Variants in KCNK2 observed in about 807,000 individuals in gnomAD.
KCNK2 encodes potassium two pore domain channel subfamily K member 2.
KCNK2 carries 21 observed loss-of-function variants against 40.5 expected under a neutral mutation model. The ratio of observed to expected loss-of-function variants is 0.52; its 90% CI spans 0.37 to 0.75. The LOEUF is 0.75. Ranked by LOEUF, KCNK2 falls within the 30% of genes least tolerant of loss-of-function variation. KCNK2 has a pLI of 0.00. For missense variants in KCNK2, 399 were observed against 531.6 expected, an observed-to-expected ratio of 0.75 and a Z score of 2.45; for synonymous variants, 191 against 202.2, an observed-to-expected ratio of 0.94 and a Z score of 0.47.
At chr1:215,185,751 A>G (rs1409880853) in intron 5 of KCNK2, among the ~76,000 whole-genome samples, 2 of 152,170 alleles carry the variant, frequency 1.3e-5, no homozygotes. Context: ...TTGGGCTATA[A>G]ATCTCATAAG....
chr1:215,096,930 C>A (rs1660000560), intron 2 of KCNK2, among the ~76,000 whole-genome samples: 3 of 151,830 alleles, frequency 2.0e-5, no homozygotes, highest in Admixed American at 6.6e-5. Context: ...AAAAGTTCTT[C>A]AACAATAGTG....
chr1:215,235,427 A>C lies in KCNK2; in HGVS notation c.*282A>C. ...GACTGTTTTCCTCTCTCTTTCCCTA[A>C]TGTGCCATAAGGCCTCAGAATGAAT... On this transcript the variant is annotated 3_prime_UTR_variant, in exon 7 of 7. Coordinates refer to ENST00000444842, the MANE Select transcript of KCNK2 (RefSeq NM_001017425.3). 8 of 340,596 alleles carry C rather than the reference A, an allele frequency of 2.3e-5. No individual in the cohort carries two copies. Among genetic ancestry groups the C allele is most frequent in the East Asian group, 1.5e-4 (3 of 20,490 alleles). The allele number at this position is 340,596 out of a possible 1,614,324, so 21.1% of individuals were successfully genotyped here. A position where few individuals can be genotyped will look rare whatever the true frequency, so the allele number is the denominator to read the frequency against.
intron 1 of KCNK2, among the ~76,000 whole-genome samples, chr1:215,021,690 C>T (rs1012179753): frequency 2.6e-5 from 4 of 152,070 alleles, no homozygotes; most frequent in Admixed American, 6.5e-5. Context: ...GGACTACAGG[C>T]GCCCGCCACC....
intron 6 of KCNK2, among the ~76,000 whole-genome samples, chr1:215,222,168 C>T (rs555198474): frequency 6.6e-6 from 1 of 152,196 alleles, no homozygotes; most frequent in Non-Finnish European, 1.5e-5. Flanking sequence ...AACATCTCCC[C>T]CCAGTCCCCA....
At chr1:215,092,398 T>C (rs1659727636) in intron 2 of KCNK2, among the ~76,000 whole-genome samples, 1 of 152,126 alleles carries the variant, frequency 6.6e-6, no homozygotes, top group Non-Finnish European at 1.5e-5. Flanking sequence ...CAGTTATACA[T>C]GCTTTAGTTA....
In KCNK2 at chr1:215,235,350, C is replaced by G; in HGVS notation, c.*205C>G. The G allele has an allele frequency of 5.9e-6, 3 of 509,550 alleles. No individual in the cohort carries two copies. In the East Asian group the frequency reaches 8.9e-5, roughly 15 times the overall value. 31.6% of individuals were successfully genotyped at this position (509,550 alleles called of 1,614,324 possible). A position where few individuals can be genotyped will look rare whatever the true frequency, so the allele number is the denominator to read the frequency against. On this transcript the variant is annotated 3_prime_UTR_variant, in exon 7 of 7. Coordinates refer to ENST00000444842, the MANE Select transcript of KCNK2 (RefSeq NM_001017425.3). ...CTGATGATGCTTGTTGAACGGTCCA[C>G]TTTCTTTGATGAGTGGAATGACAAG...
At chr1:215,172,586 C>G (rs1558124321) in intron 5 of KCNK2, among the ~76,000 whole-genome samples, 1 of 152,130 alleles carries the variant, frequency 6.6e-6, no homozygotes, top group Non-Finnish European at 1.5e-5. Flanking sequence ...ATATTATAGG[C>G]CCATCCTACG....
At chr1:215,019,409 A>G (rs1206424235) in intron 1 of KCNK2, among the ~76,000 whole-genome samples, 1 of 152,232 alleles carries the variant, frequency 6.6e-6, no homozygotes, top group African/African-American at 2.4e-5. Flanking sequence ...CTAGAGAAAC[A>G]CCATGAGCAG....
At chr1:215,139,593 A>G (rs917321160) in intron 3 of KCNK2, among the ~76,000 whole-genome samples, 2 of 152,072 alleles carry the variant, frequency 1.3e-5, no homozygotes, top group Non-Finnish European at 2.9e-5. Context: ...AGACCAGCCT[A>G]ACCAACATGG....
At chr1:215,089,308 G>A (rs186973078) in intron 2 of KCNK2, among the ~76,000 whole-genome samples, 1 of 152,266 alleles carries the variant, frequency 6.6e-6, no homozygotes, top group East Asian at 1.9e-4. Context: ...CTCTTTTGGA[G>A]CTTACCTTCT....
At chr1:215,006,118 T>A (rs1656120041) in intron 1 of KCNK2, among the ~76,000 whole-genome samples, 1 of 152,146 alleles carries the variant, frequency 6.6e-6, no homozygotes. Context: ...TTGCTGGAAT[T>A]TTTTCCATGA....
Position 215,236,048 on chromosome 1 carries a change from C to CTATCTAT in KCNK2, c.*904_*910dup, listed in dbSNP as rs58373098. 296 of 94,998 alleles carry CTATCTAT rather than the reference C, an allele frequency of 3.1e-3. 1 individual carries two copies. The highest frequency in any genetic ancestry group is 9.9e-3 in the African/African-American group (278 of 27,992). 5.9% of individuals were successfully genotyped at this position (94,998 alleles called of 1,614,324 possible). A position where few individuals can be genotyped will look rare whatever the true frequency, so the allele number is the denominator to read the frequency against. On this transcript the variant is annotated 3_prime_UTR_variant, in exon 7 of 7. Coordinates refer to ENST00000444842, the MANE Select transcript of KCNK2 (RefSeq NM_001017425.3). ...ATTTTTAAAGGCAGAAGAAGAAAAT[C>CTATCTAT]TATCTATCTATCTATCTATCTATCT...
chr1:215,051,161 G>A (rs971958665), intron 1 of KCNK2, among the ~76,000 whole-genome samples: 3 of 152,046 alleles, frequency 2.0e-5, no homozygotes, highest in East Asian at 1.9e-4. Context: ...CCGCCACCTC[G>A]AAATCCTAGA....
chr1:215,021,537 C>CTTTTTT lies in KCNK2; in HGVS notation c.34+15603_34+15608dup, dbSNP rs538476962. Among the ~76,000 whole-genome samples the CTTTTTT allele has an allele frequency of 2.9e-4, 28 of 96,322 alleles. 2 individuals are homozygous for CTTTTTT. In the South Asian group the frequency reaches 0.01, roughly 35 times the overall value. 63.2% of individuals were successfully genotyped at this position (96,322 alleles called of 152,430 possible). ...TCTCTTCTGGAGCTGGGACAACCAT[C>CTTTTTT]TTTTTTTTTTTTTTTTTTTTTTTTT... On this transcript the variant is annotated intron_variant, in intron 1 of 6. Coordinates refer to the KCNK2 transcript ENST00000391895.
intron 5 of KCNK2, among the ~76,000 whole-genome samples, chr1:215,176,491 C>A (rs923418692): frequency 6.6e-6 from 1 of 152,074 alleles, no homozygotes; most frequent in African/African-American, 2.4e-5. Context: ...TGCTTTCCCA[C>A]CCCTGCACCG....
At chr1:215,215,437 C>G (rs753411389) in intron 6 of KCNK2, among the ~76,000 whole-genome samples, 3 of 152,106 alleles carry the variant, frequency 2.0e-5, no homozygotes, top group Non-Finnish European at 4.4e-5. Context: ...TAGGTCAAAT[C>G]ATGTTCTCTA....
At position 215,235,009 on chromosome 1, in the gene KCNK2, G is replaced by A. The variant is rs1666822092; in HGVS notation, c.1145G>A (p.Arg382Lys). 6.2e-7 allele frequency: 1 copy of A among 1,613,912 alleles called. No individual in the cohort carries two copies. The change falls in exon 7 of 7, where the codon AGG becomes AAG. Residue 382 changes from arginine (R) to lysine (K), a missense_variant. Transcript: ENST00000444842. ...NHNQELTPCR[R>K]TLSVNHLTSE... is the part of the protein sequence containing the mutation. The stretch of plus-strand genomic sequence containing the variant: ...AATCAGGAGCTGACTCCTTGTAGGA[G>A]GACCCTGTCAGTGAACCACCTGACC...
chr1:215,218,589 T>C (rs1421606132), intron 6 of KCNK2, among the ~76,000 whole-genome samples: 1 of 152,106 alleles, frequency 6.6e-6, no homozygotes, highest in Non-Finnish European at 1.5e-5. Context: ...GTAAATGCTC[T>C]CCTCCATTTT....
At chr1:215,080,715 G>T (rs1659122551), upstream of KCNK2, among the ~76,000 whole-genome samples, 1 of 152,190 alleles carries the variant, frequency 6.6e-6, no homozygotes, top group Non-Finnish European at 1.5e-5. Flanking sequence ...AAGACGAGTT[G>T]ACCTGGGAAG....
Sources: gnomAD v4.1 joint callset for allele counts (sites outside exome capture counted in the v4.1 genomes callset) on GRCh38, gnomAD v4.1.1 for gene constraint, MANE v1.5 for transcripts, NCBI Gene and HGNC (gene_info 2026-07-23, HGNC 2026-07-21) for gene names.